The following USP47 variants were observed in gnomAD, a reference collection of about 807,000 sequenced individuals.
USP47 encodes ubiquitin carboxyl-terminal hydrolase 47.
A neutral mutation model predicts 165.1 loss-of-function variants in USP47; 35 were observed. The observed-to-expected ratio is 0.21, with a 90% confidence interval of 0.16 to 0.28. The LOEUF is 0.28. Among genes scored for constraint, USP47 ranks in the 10% least tolerant of loss-of-function variants. The pLI is 1.00. For missense variants in USP47, 1,277 were observed against 1,607.4 expected (o/e 0.79, Z 3.52); for synonymous variants, 531 against 544.5 (o/e 0.98, Z 0.35).
chr11:11,906,928 G>T (rs1282005101), intron 8 of USP47, among the ~76,000 whole-genome samples: 1 of 152,046 alleles, frequency 6.6e-6, no homozygotes, highest in Non-Finnish European at 1.5e-5. Context: ...AGTCCCAAGT[G>T]ATATGGACTA....
At chr11:11,870,914 C>G (rs1375966603) in intron 1 of USP47, among the ~76,000 whole-genome samples, 3 of 152,032 alleles carry the variant, frequency 2.0e-5, no homozygotes, top group Non-Finnish European at 4.4e-5. Flanking sequence ...TCATATGGGT[C>G]ATAGTTTCCT....
Position 11,959,094 on chromosome 11 carries a change from A to G in USP47, c.*2919A>G, listed in dbSNP as rs1847342793. 6.6e-6 allele frequency: 1 copy of G among 152,272 alleles called. No homozygotes were observed. Among genetic ancestry groups the G allele is most frequent in the South Asian group, 2.1e-4 (1 of 4,832 alleles). 9.4% of individuals were successfully genotyped at this position (152,272 alleles called of 1,614,324 possible). ...AGCATCATAGCATTGCAGTGTTGTT[A>G]CTAAATCTGGAAGTGACCTGTGAAT... On this transcript the variant is annotated 3_prime_UTR_variant, in exon 28 of 28. Coordinates refer to ENST00000527733, the MANE Select transcript of USP47 (RefSeq NM_001282659.2).
chr11:11,905,691 C>G (rs1852509997), intron 8 of USP47, 143 bp downstream of exon 8: 3 of 823,794 alleles, frequency 3.6e-6, no homozygotes, highest in East Asian at 3.1e-5. Context: ...TTAGCAAGAT[C>G]TAGAAGATTT....
intron 3 of USP47, among the ~76,000 whole-genome samples, chr11:11,887,791 C>A (rs1235203076): frequency 6.6e-6 from 1 of 152,168 alleles, no homozygotes; most frequent in African/African-American, 2.4e-5. Context: ...CATCACCACA[C>A]AGCACTTACT....
At chr11:11,934,199 T>C (rs1854888200) in intron 16 of USP47, among the ~76,000 whole-genome samples, 1 of 152,132 alleles carries the variant, frequency 6.6e-6, no homozygotes, top group Admixed American at 6.6e-5. Context: ...GCTCTTTCTA[T>C]TCATTTAACA....
Position 11,956,702 on chromosome 11 carries a change from C to T in USP47, c.*527C>T, listed in dbSNP as rs1218625926. 6.5e-6 allele frequency: 1 copy of T among 152,754 alleles called. No homozygotes were observed. The highest frequency in any genetic ancestry group is 2.4e-5 in the African/African-American group (1 of 41,428). The allele number at this position is 152,754 out of a possible 1,614,324, so 9.5% of individuals were successfully genotyped here. A position where few individuals can be genotyped will look rare whatever the true frequency, so the allele number is the denominator to read the frequency against. ...AGCTGAAGAAAAGAAATTCTTGGAA[C>T]CAGCCGTAACCCAGTAAGGAATTGT... On this transcript the variant is annotated 3_prime_UTR_variant, in exon 28 of 28. Coordinates refer to ENST00000527733, the MANE Select transcript of USP47 (RefSeq NM_001282659.2).
chr11:11,881,571 T>G (rs1850832375), intron 2 of USP47, among the ~76,000 whole-genome samples: 1 of 152,122 alleles, frequency 6.6e-6, no homozygotes, highest in African/African-American at 2.4e-5. Context: ...ATAGATCTGA[T>G]CCTGTCTGTT....
chr11:11,903,293 G>C lies in USP47; in HGVS notation c.770G>C (p.Cys257Ser). Reference sequence around the variant, plus strand: ...CAGCAGCATGATGTACAAGAACTATGCAGAGTCATGTTTGATGCTTTGGAA... The same window carrying C: ...CAGCAGCATGATGTACAAGAACTATCCAGAGTCATGTTTGATGCTTTGGAA... ...AWQQHDVQEL[C>S]RVMFDALEQK... The change falls in exon 7 of 28, where the codon TGC (cysteine) becomes TCC (serine). Residue 257 changes from cysteine to serine, a missense_variant. Around this residue, in one of 4 missense-constraint regions of USP47, gnomAD observed 175 missense variants for 295.8 expected, o/e 0.59. Coordinates refer to ENST00000527733, the MANE Select transcript of USP47 (RefSeq NM_001282659.2). The C allele has an allele frequency of 6.2e-7, 1 of 1,612,624 alleles. No homozygotes were observed. The highest frequency in any genetic ancestry group is 8.5e-7 in the Non-Finnish European group (1 of 1,179,180).
At chr11:11,887,191 T>C (rs547871090) in intron 3 of USP47, among the ~76,000 whole-genome samples, 2 of 152,266 alleles carry the variant, frequency 1.3e-5, no homozygotes, top group Admixed American at 1.3e-4. Flanking sequence ...AATAGCCAGC[T>C]AGCATCATGA....
rs776472757 is a variant in USP47 at position 11,842,191 on chromosome 11, G to T, written c.6G>T (p.Val2=). 7.7e-6 allele frequency: 12 copies of T among 1,553,706 alleles called. No homozygotes were observed. In the East Asian group the frequency reaches 1.9e-4, roughly 25 times the overall value. ...AGGAGCGGCCGGAGTCAGCGATGGT[G>T]CCCGGCGAGGAGAACCAACTGGTCC... M[V]PGEENQLVPK... is the part of the protein sequence containing the mutation. Residue 2 remains valine (V), a synonymous_variant, in exon 1 of 28, where the codon GTG becomes GTT. Coordinates refer to ENST00000527733, the MANE Select transcript of USP47 (RefSeq NM_001282659.2).
At chr11:11,842,643 C>A (rs1848196795) in intron 1 of USP47, among the ~76,000 whole-genome samples, 1 of 150,488 alleles carries the variant, frequency 6.6e-6, no homozygotes, top group African/African-American at 2.5e-5. Context: ...TAGCTTTCAG[C>A]GCTTGTGAAA....
At chr11:11,936,224 C>G (rs1378555587) in intron 16 of USP47, 79 bp from the exon 17 acceptor site, 6 of 737,330 alleles carry the variant, frequency 8.1e-6, no homozygotes, top group Non-Finnish European at 1.1e-5. Flanking sequence ...CAGACTAAAA[C>G]ACTGTGTATT....
At position 11,880,167 on chromosome 11, in the gene USP47, A is replaced by T; in HGVS notation, c.40-10A>T. The T allele has an allele frequency of 6.8e-7, 1 of 1,462,716 alleles. No homozygotes were observed. Among genetic ancestry groups the T allele is most frequent in the Non-Finnish European group, 9.0e-7 (1 of 1,115,372 alleles). 90.6% of individuals were successfully genotyped at this position (1,462,716 alleles called of 1,614,324 possible). The stretch of plus-strand genomic sequence containing the variant: ...TAATATATAAAGTCATATTTTTCTT[A>T]AAATTTCAGATAGAAAATGCTGCTG... On this transcript the variant is annotated splice_polypyrimidine_tract_variant and intron_variant, in intron 1 of 27. Transcript: ENST00000527733.
rs888749063 is a variant in USP47 at position 11,960,461 on chromosome 11, T to C, written c.*4286T>C. Among the ~76,000 whole-genome samples, 1 of 152,240 alleles carries C rather than the reference T, an allele frequency of 6.6e-6. No individual in the cohort carries two copies. The highest frequency in any genetic ancestry group is 1.5e-5 in the Non-Finnish European group (1 of 68,040). On this transcript the variant is annotated 3_prime_UTR_variant, in exon 28 of 28. Coordinates refer to ENST00000527733, the MANE Select transcript of USP47 (RefSeq NM_001282659.2). ...AGCCTCCTGCTGGCAGACACTTCTC[T>C]GCAGTGAATACCACTATCCCATGCT...
chr11:11,875,324 C>A (rs1850339963), intron 1 of USP47, among the ~76,000 whole-genome samples: 1 of 151,912 alleles, frequency 6.6e-6, no homozygotes, highest in South Asian at 2.1e-4. Flanking sequence ...AGTGTGTATT[C>A]TTTAATAAGA....
rs367697166 is a variant in USP47 at position 11,948,224 on chromosome 11, A to AT, written c.3267+113dup. The AT allele has an allele frequency of 9.1e-3, 11,496 of 1,260,778 alleles. 55 individuals are homozygous for AT. Among genetic ancestry groups the AT allele is most frequent in the African/African-American group, 0.036 (2,373 of 65,440 alleles). 78.1% of individuals were successfully genotyped at this position (1,260,778 alleles called of 1,614,324 possible). A position where few individuals can be genotyped will look rare whatever the true frequency, so the allele number is the denominator to read the frequency against. On this transcript the variant is annotated intron_variant, in intron 21 of 27. Coordinates refer to ENST00000527733, the MANE Select transcript of USP47 (RefSeq NM_001282659.2). ...GAGGTGAAGTAGATAAACTGGAAGG[A>AT]TTTTTTTTTAATGATTAATGGTAAT...
intron 1 of USP47, chr11:11,878,565 T>G (rs1850629464): frequency 6.6e-6 from 1 of 152,106 alleles, no homozygotes; most frequent in Admixed American, 6.5e-5. Context: ...AGGTGAAGGT[T>G]TTTTTATCTT....
At chr11:11,862,350 G>A (rs915703849) in intron 1 of USP47, among the ~76,000 whole-genome samples, 1 of 152,074 alleles carries the variant, frequency 6.6e-6, no homozygotes, top group African/African-American at 2.4e-5. Context: ...AGTAAAGATT[G>A]TAAAATAGCT....
At chr11:11,937,707 T>G (rs1296111423) in intron 17 of USP47, among the ~76,000 whole-genome samples, 1 of 151,800 alleles carries the variant, frequency 6.6e-6, no homozygotes, top group Non-Finnish European at 1.5e-5. Flanking sequence ...TCTTTATTCA[T>G]TAATAATCAA....
Sources: allele counts gnomAD v4.1 joint callset (sites outside exome capture counted in the v4.1 genomes callset), GRCh38; gene constraint gnomAD v4.1.1; regional missense constraint gnomAD v4.1.1; transcripts MANE v1.5; gene names NCBI Gene and HGNC (gene_info 2026-07-23, HGNC 2026-07-21).